PDSS2: variants seen among roughly 807,000 people sequenced by gnomAD.
PDSS2 encodes the protein all trans-polyprenyl-diphosphate synthase PDSS2.
Under a neutral mutation model 44.5 loss-of-function variants are expected in PDSS2, and 31 were observed. The ratio of observed to expected loss-of-function variants is 0.70; its 90% CI spans 0.52 to 0.94. PDSS2 has a LOEUF of 0.94. Among genes scored for constraint, PDSS2 ranks in the 40% least tolerant of loss-of-function variants. The pLI, the probability that PDSS2 is intolerant of heterozygous loss-of-function variation, is 0.00. For synonymous variants in PDSS2, 157 were observed against 180.3 expected (o/e 0.87, Z 1.03); for missense variants, 452 against 482.2 (o/e 0.94, Z 0.59).
intron 1 of PDSS2, among the ~76,000 whole-genome samples, chr6:107,455,148 T>C (rs762367706): frequency 4.6e-5 from 7 of 151,170 alleles, no homozygotes; most frequent in Non-Finnish European, 1.5e-5. Flanking sequence ...GTCACTGTAC[T>C]ATAGTACTAC....
intron 4 of PDSS2, among the ~76,000 whole-genome samples, chr6:107,239,285 C>T (rs144945396): frequency 1.3e-5 from 2 of 152,006 alleles, no homozygotes; most frequent in African/African-American, 4.8e-5. Flanking sequence ...TCAAAAAAAA[C>T]CAAAAACCAA....
chr6:107,443,620 AT>A (rs1457509600), intron 1 of PDSS2, among the ~76,000 whole-genome samples: 1 of 152,146 alleles, frequency 6.6e-6, no homozygotes, highest in Non-Finnish European at 1.5e-5. Flanking sequence ...AGAAGCAGAT[AT>A]TTCTAGCCTA....
intron 2 of PDSS2, among the ~76,000 whole-genome samples, chr6:107,300,371 G>C (rs1449021762): frequency 6.7e-6 from 1 of 148,434 alleles, no homozygotes; most frequent in Non-Finnish European, 1.5e-5. Flanking sequence ...AGAGGTCGTC[G>C]GCCAACCTCT....
At chr6:107,226,881 C>G (rs940855400) in intron 4 of PDSS2, among the ~76,000 whole-genome samples, 2 of 151,784 alleles carry the variant, frequency 1.3e-5, no homozygotes, top group African/African-American at 2.4e-5. Context: ...CCATGTTGGT[C>G]AGGCTGGTCT....
intron 7 of PDSS2, among the ~76,000 whole-genome samples, chr6:107,190,148 T>C (rs7738243): frequency 0.35 from 53,701 of 151,822 alleles, 9,743 homozygotes; most frequent in East Asian, 0.55. Flanking sequence ...TTTTCCCTTA[T>C]CTTTTTATTC....
intron 2 of PDSS2, among the ~76,000 whole-genome samples, chr6:107,287,675 C>A (rs1163046623): frequency 6.6e-6 from 1 of 152,122 alleles, no homozygotes; most frequent in African/African-American, 2.4e-5. Flanking sequence ...GCATACACCA[C>A]CACACCTGGC....
At chr6:107,231,038 ATCTCTAT>A (rs1020561655) in intron 4 of PDSS2, among the ~76,000 whole-genome samples, 13 of 152,084 alleles carry the variant, frequency 8.5e-5, no homozygotes, top group African/African-American at 3.1e-4. Flanking sequence ...GTAAGACCCC[ATCTCTAT>A]TTAAATTAAA....
At chr6:107,182,389 A>C (rs1232759173) in intron 7 of PDSS2, among the ~76,000 whole-genome samples, 1 of 152,136 alleles carries the variant, frequency 6.6e-6, no homozygotes, top group Non-Finnish European at 1.5e-5. Context: ...CAGTGGCACA[A>C]TCTCAGCTCA....
At chr6:107,390,308 T>C (rs1478489245) in intron 1 of PDSS2, among the ~76,000 whole-genome samples, 1 of 152,082 alleles carries the variant, frequency 6.6e-6, no homozygotes, top group Non-Finnish European at 1.5e-5. Context: ...ACGTAAAATG[T>C]AGTCCTGAAA....
chr6:107,418,079 G>A (rs973019977), intron 1 of PDSS2, among the ~76,000 whole-genome samples: 3 of 152,186 alleles, frequency 2.0e-5, no homozygotes, highest in Non-Finnish European at 2.9e-5. Context: ...TGTTAGGGTA[G>A]TATGGCAGGC....
chr6:107,409,441 A>G (rs111233442), intron 1 of PDSS2, among the ~76,000 whole-genome samples: 1 of 152,240 alleles, frequency 6.6e-6, no homozygotes, highest in South Asian at 2.1e-4. Flanking sequence ...AATATTTTGG[A>G]AAAAGCTGCT....
chr6:107,300,804 AAC>A (rs1303768833), intron 2 of PDSS2, among the ~76,000 whole-genome samples: 1 of 152,302 alleles, frequency 6.6e-6, no homozygotes, highest in South Asian at 2.1e-4. Flanking sequence ...CACGTGCATA[AAC>A]ACATATTCAC....
intron 1 of PDSS2, among the ~76,000 whole-genome samples, chr6:107,382,001 T>C (rs1779468148): frequency 6.6e-6 from 1 of 152,212 alleles, no homozygotes; most frequent in Non-Finnish European, 1.5e-5. Flanking sequence ...AAATTTGAAC[T>C]TTATTCTGAA....
At chr6:107,356,084 T>C (rs1000732399) in intron 1 of PDSS2, among the ~76,000 whole-genome samples, 2 of 152,210 alleles carry the variant, frequency 1.3e-5, no homozygotes, top group African/African-American at 2.4e-5. Context: ...GTAAATTTTA[T>C]TGGAAAGGAG....
intron 6 of PDSS2, among the ~76,000 whole-genome samples, chr6:107,200,418 G>A (rs1772729311): frequency 6.6e-6 from 1 of 152,092 alleles, no homozygotes; most frequent in Non-Finnish European, 1.5e-5. Context: ...GAATCACCTG[G>A]GTAGCTTGCG....
intron 7 of PDSS2, among the ~76,000 whole-genome samples, chr6:107,188,337 C>G (rs372542573): frequency 1.3e-5 from 2 of 151,812 alleles, no homozygotes; most frequent in African/African-American, 4.8e-5. Flanking sequence ...TAAGGTTGTG[C>G]CACTGCACTC....
chr6:107,439,042 G>T (rs897265084), intron 1 of PDSS2, among the ~76,000 whole-genome samples: 1 of 152,150 alleles, frequency 6.6e-6, no homozygotes, highest in African/African-American at 2.4e-5. Context: ...TCTAAGGGGT[G>T]AGTTTTCTAA....
intron 1 of PDSS2, among the ~76,000 whole-genome samples, chr6:107,436,353 C>A (rs1310757723): frequency 6.6e-6 from 1 of 152,124 alleles, no homozygotes; most frequent in Non-Finnish European, 1.5e-5. Context: ...AAATTATTAT[C>A]TAAACAAAAG....
At chr6:107,430,580 C>T (rs1781163854) in intron 1 of PDSS2, among the ~76,000 whole-genome samples, 1 of 152,058 alleles carries the variant, frequency 6.6e-6, no homozygotes, top group Non-Finnish European at 1.5e-5. Flanking sequence ...GTGGCCAAAG[C>T]AAGTGGATCA....
Sources: gnomAD v4.1 joint callset for allele counts (sites outside exome capture counted in the v4.1 genomes callset) on GRCh38, gnomAD v4.1.1 for gene constraint, MANE v1.5 for transcripts, NCBI Gene and HGNC (gene_info 2026-07-23, HGNC 2026-07-21) for gene names.